XYLT1: variants seen among roughly 807,000 people sequenced by gnomAD.
The protein encoded by XYLT1 is xylosyltransferase 1.
In XYLT1, 36 loss-of-function variants were observed where a neutral mutation model predicts 91.3. That is an observed-to-expected ratio of 0.39 (90% confidence interval 0.30 to 0.52). The LOEUF (loss-of-function observed/expected upper bound fraction) is 0.52, where lower values mean the gene tolerates loss of function less well. Among genes scored for constraint, XYLT1 ranks in the 20% least tolerant of loss-of-function variants. The pLI is 0.68. For synonymous variants in XYLT1, 588 were observed against 532.0 expected (o/e 1.11, Z -1.45); for missense variants, 1,242 against 1,284.5 (o/e 0.97, Z 0.51).
chr16:17,219,280 CAAAAA>C (rs369055155), intron 3 of XYLT1, among the ~76,000 whole-genome samples: 1,052 of 84,978 alleles, frequency 0.012, 14 homozygotes, highest in African/African-American at 0.046. Flanking sequence ...GACTTTGTCT[CAAAAA>C]AAAAAAAAAA....
intron 1 of XYLT1, among the ~76,000 whole-genome samples, chr16:17,367,894 G>T (rs2035475452): frequency 6.6e-6 from 1 of 152,174 alleles, no homozygotes; most frequent in Admixed American, 6.5e-5. Flanking sequence ...ACACAGTTTG[G>T]ATTAAAATTC....
intron 3 of XYLT1, among the ~76,000 whole-genome samples, chr16:17,249,083 A>G (rs892912076): frequency 6.6e-6 from 1 of 152,138 alleles, no homozygotes; most frequent in African/African-American, 2.4e-5. Context: ...ACAGGCCACA[A>G]GCTCCCTGAG....
chr16:17,173,619 G>T (rs2031875404), intron 5 of XYLT1, among the ~76,000 whole-genome samples: 1 of 152,254 alleles, frequency 6.6e-6, no homozygotes. Flanking sequence ...CTCCGAGTCT[G>T]TGCCAGGTTC....
intron 1 of XYLT1, among the ~76,000 whole-genome samples, chr16:17,376,158 G>C (rs1224710228): frequency 6.6e-6 from 1 of 152,212 alleles, no homozygotes; most frequent in African/African-American, 2.4e-5. Flanking sequence ...CAGGGGGGTG[G>C]TTTTGTCCCC....
chr16:17,192,092 C>CTTTTTT (rs550488299), intron 5 of XYLT1, among the ~76,000 whole-genome samples: 2 of 126,802 alleles, frequency 1.6e-5, no homozygotes, highest in African/African-American at 6.2e-5. Context: ...CTCTCTCTCT[C>CTTTTTT]TTTTTTTTTT....
chr16:17,420,648 T>G (rs1467815112), intron 1 of XYLT1, among the ~76,000 whole-genome samples: 3 of 151,622 alleles, frequency 2.0e-5, no homozygotes, highest in Non-Finnish European at 2.9e-5. Flanking sequence ...TTGTGAAGTT[T>G]AGCACTATCC....
At chr16:17,230,839 C>T (rs11075343) in intron 3 of XYLT1, among the ~76,000 whole-genome samples, 63,452 of 152,044 alleles carry the variant, frequency 0.42, 13,692 homozygotes, top group East Asian at 0.56. Context: ...CTAGATACAT[C>T]TATCAATATC....
Position 17,108,539 on chromosome 16 carries a change from TG to T in XYLT1, c.*155del. ...GGCAGGTTGTTGGCTGATCCTGCTTTGACCTGCTGACCTTCCCTTTCCATCA... is the reference window on the plus strand; with the variant it reads ...GGCAGGTTGTTGGCTGATCCTGCTTTACCTGCTGACCTTCCCTTTCCATCA... On this transcript the variant is annotated 3_prime_UTR_variant, in exon 12 of 12. Transcript: ENST00000261381. 1.3e-6 allele frequency: 1 copy of T among 755,028 alleles called. No homozygotes were observed. Among genetic ancestry groups the T allele is most frequent in the Non-Finnish European group, 2.0e-6 (1 of 495,098 alleles). The allele number at this position is 755,028 out of a possible 1,614,324, so 46.8% of individuals were successfully genotyped here.
chr16:17,158,554 G>A (rs1213007756), intron 6 of XYLT1, among the ~76,000 whole-genome samples: 2 of 152,206 alleles, frequency 1.3e-5, no homozygotes, highest in Non-Finnish European at 2.9e-5. Context: ...TACTGAAAGG[G>A]TTGCTGCAAT....
chr16:17,317,183 C>G (rs1596478882), intron 2 of XYLT1, among the ~76,000 whole-genome samples: 2 of 152,240 alleles, frequency 1.3e-5, no homozygotes, highest in South Asian at 2.1e-4. Flanking sequence ...GTTTCCCCAT[C>G]TAGGTGTTTG....
At position 17,134,509 on chromosome 16, in the gene XYLT1, TCGGCCCGTCGAAGACC is replaced by T. The variant is rs1315283831; in HGVS notation, c.1975_1990del (p.Gly659ArgfsTer36). Reference sequence around the variant, plus strand: ...CTCCCCATCCGTGTGCAGGGACGTCTCGGCCCGTCGAAGACCCAGGCGGGCAAAGGAGTGGTACAAG... The same window carrying T: ...CTCCCCATCCGTGTGCAGGGACGTCTCAGGCGGGCAAAGGAGTGGTACAAG... On this transcript the variant is annotated frameshift_variant, in exon 9 of 12. Transcript: ENST00000261381. LOFTEE classifies it high-confidence loss of function. 6.2e-7 allele frequency: 1 copy of T among 1,614,124 alleles called. No individual in the cohort carries two copies. Among genetic ancestry groups the T allele is most frequent in the Non-Finnish European group, 8.5e-7 (1 of 1,180,018 alleles).
chr16:17,111,601 G>C (rs929839803), intron 11 of XYLT1, among the ~76,000 whole-genome samples: 1 of 152,228 alleles, frequency 6.6e-6, no homozygotes, highest in Non-Finnish European at 1.5e-5. Flanking sequence ...TCCAGAGCAG[G>C]CAAGAAGAAG....
chr16:17,144,692 A>G (rs2031086535), intron 6 of XYLT1, among the ~76,000 whole-genome samples: 1 of 152,224 alleles, frequency 6.6e-6, no homozygotes, highest in South Asian at 2.1e-4. Context: ...TAAAGATAAC[A>G]TCCACACAAT....
intron 6 of XYLT1, among the ~76,000 whole-genome samples, chr16:17,155,022 T>A (rs1415955288): frequency 6.6e-6 from 1 of 152,180 alleles, no homozygotes; most frequent in Non-Finnish European, 1.5e-5. Context: ...TTGGAGACTT[T>A]CTCATGCAAC....
chr16:17,468,365 A>C (rs1324341601), intron 1 of XYLT1, among the ~76,000 whole-genome samples: 4 of 151,996 alleles, frequency 2.6e-5, no homozygotes, highest in Non-Finnish European at 5.9e-5. Flanking sequence ...AAGAGAACCA[A>C]AAGAAAAAAA....
intron 3 of XYLT1, among the ~76,000 whole-genome samples, chr16:17,224,210 C>T (rs1020745842): frequency 1.3e-5 from 2 of 152,134 alleles, no homozygotes; most frequent in African/African-American, 4.8e-5. Flanking sequence ...TGATTGTTGA[C>T]CACATTCTAT....
chr16:17,205,687 G>T (rs1457375950), intron 3 of XYLT1, among the ~76,000 whole-genome samples: 1 of 152,128 alleles, frequency 6.6e-6, no homozygotes, highest in South Asian at 2.1e-4. Context: ...CCTCAAAGCT[G>T]CACTGACTCC....
intron 1 of XYLT1, among the ~76,000 whole-genome samples, chr16:17,420,675 C>T (rs570186947): frequency 7.9e-6 from 1 of 127,376 alleles, no homozygotes; most frequent in Admixed American, 7.3e-5. Flanking sequence ...ATGTACTAGG[C>T]TAATTATTCA....
intron 2 of XYLT1, among the ~76,000 whole-genome samples, chr16:17,329,754 C>T (rs373984897): frequency 4.6e-4 from 70 of 152,284 alleles, no homozygotes; most frequent in African/African-American, 1.6e-3. Flanking sequence ...TGGAAATCTA[C>T]ACATGGACAC....
Sources: gnomAD v4.1 joint callset for allele counts (sites outside exome capture counted in the v4.1 genomes callset) on GRCh38, gnomAD v4.1.1 for gene constraint, MANE v1.5 for transcripts, NCBI Gene and HGNC (gene_info 2026-07-23, HGNC 2026-07-21) for gene names.